Variants in SMARCA2 observed in about 807,000 individuals in gnomAD.
The protein encoded by SMARCA2 is SWI/SNF related BAF chromatin remodeling complex subunit ATPase 2, also known as SWI/SNF-related matrix-associated actin-dependent regulator of chromatin subfamily A member 2.
Under a neutral mutation model 199.8 loss-of-function variants are expected in SMARCA2, and 61 were observed. The ratio of observed to expected loss-of-function variants is 0.31; its 90% CI spans 0.25 to 0.38. The LOEUF is 0.38. SMARCA2 is among the 10% of genes least tolerant of loss of function. The probability of loss-of-function intolerance (pLI) is 1.00; values close to 1 mark genes in which losing one functional copy is unlikely to be tolerated. For missense variants in SMARCA2, 1,344 were observed against 2,012.2 expected (o/e 0.67, Z 6.35); for synonymous variants, 935 against 732.0 (o/e 1.28, Z -4.48).
intron 27 of SMARCA2, chr9:2,159,612 A>C: frequency 1.9e-6 from 1 of 523,318 alleles, no homozygotes; most frequent in Non-Finnish European, 3.2e-6. Flanking sequence ...GCTGCCTGGA[A>C]TAATAAGGGG....
At chr9:2,028,108 G>A (rs533331378) in intron 1 of SMARCA2, among the ~76,000 whole-genome samples, 1 of 149,946 alleles carries the variant, frequency 6.7e-6, no homozygotes, top group South Asian at 2.1e-4. Context: ...TCTGTGGTGA[G>A]CTCTGATCCA....
rs187810860 is a variant in SMARCA2, at chr9:2,189,581, C to T, written c.4595-1685C>T. 1.6e-4 allele frequency among the ~76,000 whole-genome samples: 24 copies of T among 152,172 alleles called. No homozygotes were observed. In the East Asian group the frequency reaches 2.7e-3, roughly 17 times the overall value. On this transcript the variant is annotated intron_variant, in intron 32 of 33. Coordinates refer to ENST00000349721, the MANE Select transcript of SMARCA2 (RefSeq NM_003070.5). ...GGCTTCTTTCATCTATTTCTTTCGA[C>T]GTCCTACATCTTTCCGTTTTCATTA...
chr9:2,067,121 T>C (rs1820878736), intron 9 of SMARCA2, among the ~76,000 whole-genome samples: 1 of 152,190 alleles, frequency 6.6e-6, no homozygotes, highest in South Asian at 2.1e-4. Context: ...CAGAATTAGG[T>C]CCAAGGACAG....
Position 2,073,275 on chromosome 9 carries a change from A to G in SMARCA2, c.1810A>G (p.Lys604Glu). 6.2e-7 allele frequency: 1 copy of G among 1,614,144 alleles called. No homozygotes were observed. Among genetic ancestry groups the G allele is most frequent in the Non-Finnish European group, 8.5e-7 (1 of 1,179,988 alleles). ...CAAAGTGACTCACACAGAAACCGGC[A>G]AGGTTCTGTTCGGACCAGAAGCACC... ...PVKVTHTETGKVLFGPEAPKA... is the reference protein window; with the variant it reads ...PVKVTHTETGEVLFGPEAPKA... Residue 604 changes from lysine to glutamate, a missense_variant, in exon 11 of 34, where the codon AAG becomes GAG. Lys to Glu is a moderately conservative substitution (Grantham distance 56). Coordinates refer to ENST00000349721, the MANE Select transcript of SMARCA2 (RefSeq NM_003070.5).
intron 27 of SMARCA2, 117 bp downstream of exon 27, chr9:2,124,054 G>A: frequency 3.9e-6 from 3 of 773,640 alleles, no homozygotes; most frequent in Non-Finnish European, 2.2e-6. Flanking sequence ...TCAAAGGGAA[G>A]GGGCTCTTGA....
At chr9:2,021,056 A>G (rs1187244501) in intron 1 of SMARCA2, among the ~76,000 whole-genome samples, 1 of 152,230 alleles carries the variant, frequency 6.6e-6, no homozygotes, top group Non-Finnish European at 1.5e-5. Flanking sequence ...TAAGATTTAC[A>G]ACAGTTTTTA....
chr9:2,098,162 T>C (rs1480523202), intron 21 of SMARCA2, among the ~76,000 whole-genome samples: 1 of 152,210 alleles, frequency 6.6e-6, no homozygotes, highest in Non-Finnish European at 1.5e-5. Flanking sequence ...CCATTTGTCA[T>C]TGCTGCTGCT....
chr9:2,103,947 T>G (rs989569878), intron 22 of SMARCA2, 56 bp from the exon 23 acceptor site: 225 of 1,534,114 alleles, frequency 1.5e-4, no homozygotes, highest in Non-Finnish European at 1.9e-4. Context: ...ATGCTGGATT[T>G]TTTAAGAAGA....
intron 29 of SMARCA2, among the ~76,000 whole-genome samples, chr9:2,172,482 AG>A (rs1310356256): frequency 2.6e-5 from 4 of 151,872 alleles, no homozygotes; most frequent in African/African-American, 9.7e-5. Flanking sequence ...GGGGGGATGT[AG>A]CCATGGAGGC....
At chr9:2,179,066 A>G (rs1439007565) in intron 29 of SMARCA2, among the ~76,000 whole-genome samples, 2 of 152,208 alleles carry the variant, frequency 1.3e-5, no homozygotes, top group African/African-American at 2.4e-5. Context: ...GGATAAGGAA[A>G]TACTTGGAGA....
chr9:2,039,441 G>A lies in SMARCA2; in HGVS notation c.356-25G>A. Reference sequence around the variant, plus strand: ...TTCAGGGTTGTCAGGGGCAGCCTGTGATTTCCTTTTGTGTTTTATTTTAGG... The same window carrying A: ...TTCAGGGTTGTCAGGGGCAGCCTGTAATTTCCTTTTGTGTTTTATTTTAGG... On this transcript the variant is annotated intron_variant, in intron 3 of 33. Coordinates refer to ENST00000349721, the MANE Select transcript of SMARCA2 (RefSeq NM_003070.5). The surrounding 1 kb of genome is among the most constrained non-coding windows in gnomAD (Gnocchi z 4.8). 1 of 1,599,570 alleles carries A rather than the reference G, an allele frequency of 6.3e-7. No individual in the cohort carries two copies. The highest frequency in any genetic ancestry group is 1.1e-5 in the South Asian group (1 of 89,938).
chr9:2,151,139 T>C (rs781158136), intron 27 of SMARCA2, among the ~76,000 whole-genome samples: 6 of 151,560 alleles, frequency 4.0e-5, no homozygotes, highest in Non-Finnish European at 8.9e-5. Context: ...ATGTACATTT[T>C]GATCAATAAC....
At chr9:2,127,162 A>G (rs905814936) in intron 27 of SMARCA2, among the ~76,000 whole-genome samples, 3 of 149,934 alleles carry the variant, frequency 2.0e-5, no homozygotes, top group African/African-American at 7.4e-5. Context: ...TCCTCTTAAC[A>G]TTTCTTTGCT....
chr9:2,191,352 G>A lies in SMARCA2; in HGVS notation c.4681G>A (p.Gly1561Arg). ...GAAAGGCAAGAAAAGGCCAAATCGA[G>A]GAAAAGCCAAACCTGTAGTGAGCGA... ...KGKGKKRPNRGKAKPVVSDFD... is the reference protein window; with the variant it reads ...KGKGKKRPNRRKAKPVVSDFD... Residue 1561 changes from glycine (G) to arginine (R), a missense_variant, in exon 33 of 34, where the codon GGA becomes AGA. This residue lies in a region of SMARCA2 where 155 missense variants were observed against 121.1 expected (regional missense o/e 1.28). Transcript: ENST00000349721. 1 of 1,614,214 alleles carries A rather than the reference G, an allele frequency of 6.2e-7. No individual in the cohort carries two copies. The highest frequency in any genetic ancestry group is 8.5e-7 in the Non-Finnish European group (1 of 1,180,034).
At chr9:2,091,223 A>C (rs1822042992) in intron 19 of SMARCA2, among the ~76,000 whole-genome samples, 1 of 152,126 alleles carries the variant, frequency 6.6e-6, no homozygotes, top group African/African-American at 2.4e-5. Flanking sequence ...CACCGCTCCA[A>C]AAAAAATTCC....
intron 27 of SMARCA2, among the ~76,000 whole-genome samples, chr9:2,135,627 T>C (rs187000613): frequency 1.2e-3 from 179 of 152,146 alleles, no homozygotes; most frequent in Non-Finnish European, 2.1e-3. Context: ...CTGCAACCTC[T>C]GCCTCCTGGG....
At position 2,169,370 on chromosome 9, in the gene SMARCA2, G is replaced by A. The variant is rs528820634; in HGVS notation, c.4200-1049G>A. On this transcript the variant is annotated intron_variant, in intron 28 of 33. Coordinates refer to ENST00000349721, the MANE Select transcript of SMARCA2 (RefSeq NM_003070.5). The surrounding 1 kb of genome is among the most constrained non-coding windows in gnomAD (Gnocchi z 6.5). ...CCCGATGATGACCAGACTTCTTAGCGTAGGAGAATTGTTATCTTCCACAGT... is the reference window on the plus strand; with the variant it reads ...CCCGATGATGACCAGACTTCTTAGCATAGGAGAATTGTTATCTTCCACAGT... Among the ~76,000 whole-genome samples, 2 of 152,288 alleles carry A rather than the reference G, an allele frequency of 1.3e-5. No homozygotes were observed. Among genetic ancestry groups the A allele is most frequent in the East Asian group, 1.9e-4 (1 of 5,182 alleles).
Position 2,119,352 on chromosome 9 carries a change from C to T in SMARCA2, c.3685-106C>T. 1 of 712,704 alleles carries T rather than the reference C, an allele frequency of 1.4e-6. No individual in the cohort carries two copies. Among genetic ancestry groups the T allele is most frequent in the Non-Finnish European group, 2.5e-6 (1 of 402,038 alleles). The allele number at this position is 712,704 out of a possible 1,614,324, so 44.1% of individuals were successfully genotyped here. On this transcript the variant is annotated intron_variant, in intron 25 of 33. Coordinates refer to ENST00000349721, the MANE Select transcript of SMARCA2 (RefSeq NM_003070.5). The surrounding 1 kb of genome is among the most constrained non-coding windows in gnomAD (Gnocchi z 4.6). ...TCCAGCAACCCCTTCCCTTTTCTTTCTGCCTTGAGAAATGGGACCCCTCTG... is the reference window on the plus strand; with the variant it reads ...TCCAGCAACCCCTTCCCTTTTCTTTTTGCCTTGAGAAATGGGACCCCTCTG...
In SMARCA2 at chr9:2,065,605, G is replaced by A. The variant is rs1239029680; in HGVS notation, c.1692+4619G>A. ...AGATACCAGAATGTCAGAATAGCCT[G>A]CCGTTGGCACAGTTTTCAGTAAAAA... On this transcript the variant is annotated intron_variant, in intron 9 of 33. Transcript: ENST00000349721. Among the ~76,000 whole-genome samples the A allele has an allele frequency of 2.0e-5, 3 of 152,180 alleles. No homozygotes were observed. The South Asian group carries it at 6.2e-4, about 32-fold the overall frequency.
Sources: allele counts gnomAD v4.1 joint callset (sites outside exome capture counted in the v4.1 genomes callset), GRCh38; gene constraint gnomAD v4.1.1; regional missense constraint gnomAD v4.1.1; non-coding constraint Gnocchi (gnomAD v3.1); transcripts MANE v1.5; gene names NCBI Gene and HGNC (gene_info 2026-07-23, HGNC 2026-07-21).